PRSS56: variants seen among roughly 807,000 people sequenced by gnomAD.
PRSS56 encodes the protein serine protease 56.
Under a neutral mutation model 66.8 loss-of-function variants are expected in PRSS56, and 55 were observed. The observed-to-expected ratio is 0.82, with a 90% CI of 0.66 to 1.03. The LOEUF is 1.03. PRSS56 is among the 50% of genes least tolerant of loss of function. The probability of loss-of-function intolerance (pLI) is 0.00; values close to 1 mark genes in which losing one functional copy is unlikely to be tolerated. For synonymous variants in PRSS56, 409 were observed against 387.9 expected, an observed-to-expected ratio of 1.05 and a Z score of -0.64; for missense variants, 869 against 837.2, an observed-to-expected ratio of 1.04 and a Z score of -0.47.
Position 232,525,569 on chromosome 2 carries a change from G to A in PRSS56, c.*63G>A, listed in dbSNP as rs781402014. The A allele has an allele frequency of 2.0e-5, 27 of 1,371,968 alleles. No individual in the cohort carries two copies. In the African/African-American group the frequency reaches 2.8e-4, roughly 14 times the overall value. 85.0% of individuals were successfully genotyped at this position (1,371,968 alleles called of 1,614,324 possible). ...TGCTCCCAGGGGCTGAGAGGGGTTC[G>A]GGAGCATAATGACAAACTGTCGCTG... On this transcript the variant is annotated 3_prime_UTR_variant, in exon 13 of 13. Coordinates refer to ENST00000617714, the MANE Select transcript of PRSS56 (RefSeq NM_001195129.2).
At chr2:232,524,991 G>C (rs1303998850) in intron 12 of PRSS56, 147 bp downstream of exon 12, 1 of 797,496 alleles carries the variant, frequency 1.3e-6, no homozygotes, top group Non-Finnish European at 1.9e-6. Context: ...TAGAGGGTCC[G>C]AGGGGAAGGG....
intron 1 of PRSS56, 56 bp from the exon 2 acceptor site, chr2:232,521,265 A>ATGAGGC: frequency 2.2e-6 from 3 of 1,381,206 alleles, no homozygotes; most frequent in Non-Finnish European, 3.0e-6. Flanking sequence ...GGCCAGGAGG[A>ATGAGGC]TGAGGCTGAG....
chr2:232,522,268 C>T (rs1313421227), intron 4 of PRSS56, 108 bp downstream of exon 4: 3 of 1,109,856 alleles, frequency 2.7e-6, no homozygotes, highest in Non-Finnish European at 3.5e-6. Flanking sequence ...TCTGCTGCCC[C>T]CTGGCGGCGG....
Position 232,524,368 on chromosome 2 carries a change from C to T in PRSS56, c.1413C>T (p.Asn471=), listed in dbSNP as rs1184074197. The T allele has an allele frequency of 7.8e-6, 12 of 1,534,770 alleles. No homozygotes were observed. Among genetic ancestry groups the T allele is most frequent in the Non-Finnish European group, 3.5e-6 (4 of 1,146,472 alleles). ...GGCCGGAGCCGCGCGGAGAAGCCAA[C>T]GGTAATGACGCCCCCTGCCGACCTT... The part of the protein sequence containing the change: ...KRRPEPRGEA[N]GCPGLEPLRQ... Residue 471 remains asparagine (N), a splice_region_variant and synonymous_variant, in exon 11 of 13, where the codon AAC becomes AAT. Transcript: ENST00000617714.
intron 12 of PRSS56, 102 bp downstream of exon 12, chr2:232,524,946 C>A: frequency 2.0e-6 from 2 of 1,001,626 alleles, no homozygotes; most frequent in South Asian, 1.5e-5. Flanking sequence ...CTCCCAGCAG[C>A]CTGGGGTCGC....
intron 4 of PRSS56, 51 bp downstream of exon 4, chr2:232,522,211 C>A: frequency 1.5e-6 from 2 of 1,372,426 alleles, no homozygotes; most frequent in Non-Finnish European, 9.5e-7. Context: ...GCGCTGGGCC[C>A]CGCACCTGCC....
At chr2:232,524,972 G>A (rs2106203576) in intron 12 of PRSS56, 128 bp downstream of exon 12, 2 of 856,794 alleles carry the variant, frequency 2.3e-6, no homozygotes, top group Non-Finnish European at 3.5e-6. Flanking sequence ...CCCCAGCTCT[G>A]GGGGTAGGTA....
At position 232,523,186 on chromosome 2, in the gene PRSS56, G is replaced by A; in HGVS notation, c.833G>A (p.Gly278Asp). ...TMLCAGYLAG[G>D]VDSCQGDSGG... ...CTCTGCGCCGGGTACCTGGCGGGGG[G>A]CGTTGACTCGTGCCAGGTATGAACC... Residue 278 changes from glycine (G) to aspartate (D), a missense_variant, in exon 7 of 13, where the codon GGC (glycine) becomes GAC (aspartate). Physicochemically the swap from Gly to Asp is moderately conservative, Grantham distance 94. This residue lies in a region of PRSS56 where 551 missense variants were observed against 506.9 expected (regional missense o/e 1.09). Transcript: ENST00000617714. The A allele has an allele frequency of 5.4e-6, 8 of 1,477,778 alleles. No individual in the cohort carries two copies. The highest frequency in any genetic ancestry group is 7.2e-6 in the Non-Finnish European group (8 of 1,117,890). The allele number at this position is 1,477,778 out of a possible 1,614,324, so 91.5% of individuals were successfully genotyped here.
rs1241258469 is a variant in PRSS56, at chr2:232,523,145, G to T, written c.792G>T (p.Leu264=). ...GCCGAAGAGCCCTGGGGCCCGGGCT[G>T]CGCCCCAGCACCATGCTCTGCGCCG... ...DTCRRALGPG[L]RPSTMLCAGY... The change falls in exon 7 of 13, where the codon CTG becomes CTT. Residue 264 remains leucine, a synonymous_variant. Coordinates refer to ENST00000617714, the MANE Select transcript of PRSS56 (RefSeq NM_001195129.2). 3.3e-6 allele frequency: 5 copies of T among 1,531,376 alleles called. No homozygotes were observed. The highest frequency in any genetic ancestry group is 2.5e-5 in the East Asian group (1 of 40,770). The allele number at this position is 1,531,376 out of a possible 1,614,324, so 94.9% of individuals were successfully genotyped here.
At position 232,525,249 on chromosome 2, in the gene PRSS56, G is replaced by C. The variant is rs730882162; in HGVS notation, c.1555G>C (p.Gly519Arg). The change falls in exon 13 of 13, where the codon GGG becomes CGG. Residue 519 changes from glycine to arginine, a missense_variant. Physicochemically the swap from Gly to Arg is moderately radical, Grantham distance 125 (BLOSUM62 -2). Around this residue, in one of 3 missense-constraint regions of PRSS56, gnomAD observed 551 missense variants for 506.9 expected, o/e 1.09. Coordinates refer to ENST00000617714, the MANE Select transcript of PRSS56 (RefSeq NM_001195129.2). The part of the protein sequence containing the change: ...LADLGSKTLT[G>R]LFRAWVRAGL... Reference sequence around the variant, plus strand: ...AGATCTGGGCTCCAAGACACTGACCGGGCTTTTCAGAGCCTGGGTGCGGGC... The same window carrying C: ...AGATCTGGGCTCCAAGACACTGACCCGGCTTTTCAGAGCCTGGGTGCGGGC... 1.1e-5 allele frequency: 17 copies of C among 1,513,716 alleles called. 1 individual carries two copies. The South Asian group carries it at 1.8e-4, about 16-fold the overall frequency. 93.8% of individuals were successfully genotyped at this position (1,513,716 alleles called of 1,614,324 possible).
Position 232,523,840 on chromosome 2 carries a change from G to C in PRSS56, c.1081G>C (p.Asp361His). ...AWDPPQELQA[D>H]AARLCAFYAR... Reference sequence around the variant, plus strand: ...GGACCCCCCCCAGGAGCTGCAGGCAGACGCCGCCCGGCTCTGCGCCTTCTA... The same window carrying C: ...GGACCCCCCCCAGGAGCTGCAGGCACACGCCGCCCGGCTCTGCGCCTTCTA... The change falls in exon 9 of 13, where the codon GAC (aspartate) becomes CAC (histidine). Residue 361 changes from aspartate (D) to histidine (H), a missense_variant. Transcript: ENST00000617714. 1 of 1,533,268 alleles carries C rather than the reference G, an allele frequency of 6.5e-7. No homozygotes were observed. Among genetic ancestry groups the C allele is most frequent in the Non-Finnish European group, 8.7e-7 (1 of 1,146,222 alleles). 95.0% of individuals were successfully genotyped at this position (1,533,268 alleles called of 1,614,324 possible).
chr2:232,521,593 A>C (rs1041277107), intron 2 of PRSS56, among the ~76,000 whole-genome samples, 165 bp downstream of exon 2: 4 of 152,226 alleles, frequency 2.6e-5, no homozygotes, highest in African/African-American at 4.8e-5. Flanking sequence ...CCGAGTGGAA[A>C]GGACACGCTA....
At chr2:232,524,938 C>G in intron 12 of PRSS56, 94 bp downstream of exon 12, 1 of 1,084,376 alleles carries the variant, frequency 9.2e-7, no homozygotes. Context: ...CAGATACCCT[C>G]CCAGCAGCCT....
chr2:232,524,821 C>G lies in PRSS56; in HGVS notation c.1498C>G (p.His500Asp), dbSNP rs1209259487. 6.5e-7 allele frequency: 1 copy of G among 1,535,574 alleles called. No individual in the cohort carries two copies. Among genetic ancestry groups the G allele is most frequent in the East Asian group, 2.4e-5 (1 of 40,904 alleles). ...CTGGATCCTGCAGGTCCCCTCGGAGCACCTGGCCATGAACTTTCATGAGGT... is the reference window on the plus strand; with the variant it reads ...CTGGATCCTGCAGGTCCCCTCGGAGGACCTGGCCATGAACTTTCATGAGGT... ...HAWILQVPSE[H>D]LAMNFHEVLA... Residue 500 changes from histidine to aspartate, a missense_variant, in exon 12 of 13, where the codon CAC (histidine) becomes GAC (aspartate). His to Asp is a moderately conservative substitution (Grantham distance 81). Coordinates refer to ENST00000617714, the MANE Select transcript of PRSS56 (RefSeq NM_001195129.2).
intron 10 of PRSS56, 37 bp downstream of exon 10, chr2:232,524,240 C>T (rs1165402963): frequency 1.3e-6 from 2 of 1,534,542 alleles, no homozygotes; most frequent in South Asian, 1.2e-5. Flanking sequence ...AGCCCTGGCC[C>T]GGCCCCACCC....
chr2:232,525,604 C>A lies in PRSS56; in HGVS notation c.*98C>A. ...TGACAAACTGTCGCTGCCCCAGTGGCTGGGTGTGTGTGGGTGGGATGGGGT... is the reference window on the plus strand; with the variant it reads ...TGACAAACTGTCGCTGCCCCAGTGGATGGGTGTGTGTGGGTGGGATGGGGT... On this transcript the variant is annotated 3_prime_UTR_variant, in exon 13 of 13. Transcript: ENST00000617714. The A allele has an allele frequency of 3.0e-6, 1 of 335,536 alleles. No individual in the cohort carries two copies. Among genetic ancestry groups the A allele is most frequent in the Non-Finnish European group, 5.5e-6 (1 of 183,220 alleles). The allele number at this position is 335,536 out of a possible 1,614,324, so 20.8% of individuals were successfully genotyped here. A position where few individuals can be genotyped will look rare whatever the true frequency, so the allele number is the denominator to read the frequency against.
At chr2:232,522,914 T>A (rs1267492285) in intron 6 of PRSS56, 53 bp downstream of exon 6, 6 of 1,455,498 alleles carry the variant, frequency 4.1e-6, no homozygotes, top group Non-Finnish European at 5.4e-6. Flanking sequence ...GGGTCCGAGG[T>A]AATAGAGTGT....
chr2:232,522,901 T>G (rs1209089955), intron 6 of PRSS56, 40 bp downstream of exon 6: 15 of 1,432,624 alleles, frequency 1.0e-5, no homozygotes, highest in African/African-American at 1.5e-5. Flanking sequence ...TGGGAAGAAC[T>G]GGGGGTCCGA....
chr2:232,522,511 G>A lies in PRSS56; in HGVS notation c.447-4G>A, dbSNP rs1384421064. On this transcript the variant is annotated splice_polypyrimidine_tract_variant and splice_region_variant and intron_variant, in intron 4 of 12. Transcript: ENST00000617714. ...CTGCGTCTCAGCTGCCGCTCGACCC[G>A]CAGCGCCCCGAATGAGCTTCTGTGG... 9.2e-6 allele frequency: 14 copies of A among 1,527,888 alleles called. No homozygotes were observed. Among genetic ancestry groups the A allele is most frequent in the African/African-American group, 2.8e-5 (2 of 72,546 alleles). 94.6% of individuals were successfully genotyped at this position (1,527,888 alleles called of 1,614,324 possible).
Sources: allele counts gnomAD v4.1 joint callset (sites outside exome capture counted in the v4.1 genomes callset), GRCh38; gene constraint gnomAD v4.1.1; regional missense constraint gnomAD v4.1.1; transcripts MANE v1.5; gene names NCBI Gene and HGNC (gene_info 2026-07-23, HGNC 2026-07-21).